VMP1: variants seen among roughly 807,000 people sequenced by gnomAD.
VMP1 encodes vacuole membrane protein 1, also known as ectopic P-granules autophagy protein 3 homolog.
In VMP1, 11 loss-of-function variants were observed where a neutral mutation model predicts 56.0. That is an observed-to-expected ratio of 0.20 (90% CI 0.12 to 0.32). The LOEUF (loss-of-function observed/expected upper bound fraction) is 0.32. Among genes scored for constraint, VMP1 ranks in the 10% least tolerant of loss-of-function variants. The probability of loss-of-function intolerance (pLI) is 1.00; values close to 1 mark genes in which losing one functional copy is unlikely to be tolerated. For missense variants in VMP1, 296 were observed against 490.3 expected, an observed-to-expected ratio of 0.60 and a Z score of 3.74; for synonymous variants, 149 against 165.0, an observed-to-expected ratio of 0.90 and a Z score of 0.74.
intron 10 of VMP1, among the ~76,000 whole-genome samples, chr17:59,831,165 T>A (rs2038794436): frequency 1.3e-5 from 2 of 152,200 alleles, no homozygotes; most frequent in South Asian, 4.1e-4. Flanking sequence ...TATCTATCTA[T>A]CTAATCTATT....
At chr17:59,740,084 AAAAAAG>A (rs1313626673) in intron 5 of VMP1, among the ~76,000 whole-genome samples, 270 of 152,132 alleles carry the variant, frequency 1.8e-3, no homozygotes, top group African/African-American at 5.4e-3. Flanking sequence ...CTCAAAAAAA[AAAAAAG>A]AAAAAGAAAA....
chr17:59,767,213 G>C (rs1361618662), intron 6 of VMP1, among the ~76,000 whole-genome samples: 3 of 151,746 alleles, frequency 2.0e-5, no homozygotes, highest in African/African-American at 7.3e-5. Context: ...TTATGGAACA[G>C]ATCACTTACA....
At chr17:59,820,568 T>C (rs973600796) in intron 10 of VMP1, among the ~76,000 whole-genome samples, 1 of 152,216 alleles carries the variant, frequency 6.6e-6, no homozygotes, top group Non-Finnish European at 1.5e-5. Context: ...TGACTTGATC[T>C]AATACCATCT....
chr17:59,809,601 G>A (rs1342697502), intron 8 of VMP1, among the ~76,000 whole-genome samples: 2 of 139,848 alleles, frequency 1.4e-5, no homozygotes, highest in Non-Finnish European at 3.0e-5. Flanking sequence ...CCGCCTCCCG[G>A]GTTCACGCCA....
intron 7 of VMP1, among the ~76,000 whole-genome samples, chr17:59,807,781 A>G (rs62081787): frequency 0.86 from 127,742 of 148,458 alleles, 55,138 homozygotes; most frequent in East Asian, 0.94. Flanking sequence ...CCAGTGAGCC[A>G]AGATCGCGCC....
In VMP1 at chr17:59,839,928, A is replaced by G; in HGVS notation, c.*17A>G. The G allele has an allele frequency of 6.2e-7, 1 of 1,607,828 alleles. No homozygotes were observed. Among genetic ancestry groups the G allele is most frequent in the Non-Finnish European group, 8.5e-7 (1 of 1,178,824 alleles). On this transcript the variant is annotated 3_prime_UTR_variant, in exon 12 of 12. Coordinates refer to ENST00000262291, the MANE Select transcript of VMP1 (RefSeq NM_030938.5). The stretch of plus-strand genomic sequence containing the variant: ...ACTAAATAAGTAGAGAAAGTTTTAA[A>G]CTGCAGAAATTGGAGTGGATGGGTT...
At chr17:59,723,829 A>G (rs1184849497) in intron 1 of VMP1, among the ~76,000 whole-genome samples, 3 of 152,226 alleles carry the variant, frequency 2.0e-5, no homozygotes, top group Non-Finnish European at 2.9e-5. Flanking sequence ...TCATAAAGAG[A>G]GAAAAATGCT....
chr17:59,763,957 A>G (rs1346833659), intron 5 of VMP1, among the ~76,000 whole-genome samples: 1 of 152,180 alleles, frequency 6.6e-6, no homozygotes, highest in East Asian at 1.9e-4. Context: ...ACATCTATCA[A>G]CCTATGCTTA....
intron 7 of VMP1, among the ~76,000 whole-genome samples, chr17:59,807,066 G>A (rs1469345358): frequency 6.6e-6 from 1 of 152,026 alleles, no homozygotes; most frequent in Non-Finnish European, 1.5e-5. Context: ...TTGTCAAAAT[G>A]TTTTTGTAAG....
At chr17:59,784,400 T>A (rs2036936014) in intron 7 of VMP1, among the ~76,000 whole-genome samples, 1 of 152,134 alleles carries the variant, frequency 6.6e-6, no homozygotes, top group South Asian at 2.1e-4. Context: ...AACTATTTTA[T>A]GATTCCCTTC....
intron 7 of VMP1, among the ~76,000 whole-genome samples, chr17:59,775,583 A>G (rs1051879760): frequency 3.3e-5 from 5 of 152,192 alleles, no homozygotes; most frequent in South Asian, 2.1e-4. Context: ...TGGCCTCCCA[A>G]AATGCTGGGA....
chr17:59,722,930 C>A (rs1413476798), intron 1 of VMP1, among the ~76,000 whole-genome samples: 1 of 152,180 alleles, frequency 6.6e-6, no homozygotes, highest in Non-Finnish European at 1.5e-5. Context: ...GGGGCCAGCT[C>A]TTACATTACC....
At chr17:59,833,475 G>A (rs2038881553) in intron 10 of VMP1, among the ~76,000 whole-genome samples, 1 of 152,022 alleles carries the variant, frequency 6.6e-6, no homozygotes, top group Admixed American at 6.6e-5. Flanking sequence ...GCAACATAGT[G>A]AGACTCCATC....
chr17:59,832,420 T>C (rs1568230763), intron 10 of VMP1, among the ~76,000 whole-genome samples: 1 of 151,848 alleles, frequency 6.6e-6, no homozygotes, highest in Non-Finnish European at 1.5e-5. Context: ...CTACTTCTTT[T>C]TTTGTTTTTC....
intron 10 of VMP1, among the ~76,000 whole-genome samples, chr17:59,836,288 G>A (rs538163190): frequency 1.9e-4 from 29 of 151,532 alleles, no homozygotes; most frequent in Admixed American, 6.6e-5. Flanking sequence ...GTACAGTGCA[G>A]CCCTGAGCTT....
chr17:59,835,717 C>T lies in VMP1; in HGVS notation c.975-2578C>T, dbSNP rs575449264. ...ATTGGTCAGGCTGGTCTCGAACTCC[C>T]GACCTCAGGTGATCCGCCCGCCTCG... On this transcript the variant is annotated intron_variant, in intron 10 of 11. Transcript: ENST00000262291. 3.0e-3 allele frequency among the ~76,000 whole-genome samples: 449 copies of T among 149,832 alleles called. 3 individuals carry two copies. The highest frequency in any genetic ancestry group is 9.6e-3 in the African/African-American group (396 of 41,044).
chr17:59,782,326 A>G (rs2036853021), intron 7 of VMP1, among the ~76,000 whole-genome samples: 1 of 152,170 alleles, frequency 6.6e-6, no homozygotes, highest in Non-Finnish European at 1.5e-5. Context: ...GTAATTAACT[A>G]ATTGTATATT....
intron 7 of VMP1, among the ~76,000 whole-genome samples, chr17:59,795,550 G>A (rs952788634): frequency 1.5e-4 from 23 of 151,700 alleles, no homozygotes; most frequent in African/African-American, 5.3e-4. Context: ...GGTGGCTCAT[G>A]CCTGTAATCC....
chr17:59,767,891 C>T (rs1166420592), intron 6 of VMP1, among the ~76,000 whole-genome samples: 3 of 151,226 alleles, frequency 2.0e-5, no homozygotes, highest in African/African-American at 2.4e-5. Context: ...TATGGGAGGC[C>T]GAGGTAGGTG....
Sources: gnomAD v4.1 joint callset for allele counts (sites outside exome capture counted in the v4.1 genomes callset) on GRCh38, gnomAD v4.1.1 for gene constraint, MANE v1.5 for transcripts, NCBI Gene and HGNC (gene_info 2026-07-23, HGNC 2026-07-21) for gene names.